BCAS1: variants seen among roughly 807,000 people sequenced by gnomAD.
BCAS1 encodes brain enriched myelin associated protein 1.
A neutral mutation model predicts 65.4 loss-of-function variants in BCAS1; 46 were observed. That is an observed-to-expected ratio of 0.70 (90% CI 0.55 to 0.90). The LOEUF is 0.90. Among genes scored for constraint, BCAS1 ranks in the 40% least tolerant of loss-of-function variants. BCAS1 has a pLI of 0.00. For synonymous variants in BCAS1, 298 were observed against 293.5 expected, an observed-to-expected ratio of 1.02 and a Z score of -0.16; for missense variants, 793 against 771.2, an observed-to-expected ratio of 1.03 and a Z score of -0.33.
At position 53,982,082 on chromosome 20, in the gene BCAS1, T is replaced by A. The variant is rs2090497011; in HGVS notation, c.1275+3205A>T. ...AACACTGTGAGAAAAACACAGTCCT[T>A]ATTTTACAGATTAGAAAGGAGGGTC... On this transcript the variant is annotated intron_variant, in intron 8 of 12. Transcript: ENST00000688948. 3.9e-5 allele frequency among the ~76,000 whole-genome samples: 6 copies of A among 152,180 alleles called. 1 individual carries two copies. Among genetic ancestry groups the A allele is most frequent in the Admixed American group, 3.9e-4 (6 of 15,274 alleles).
intron 3 of BCAS1, among the ~76,000 whole-genome samples, chr20:54,053,743 C>T (rs1243977004): frequency 6.6e-6 from 1 of 152,214 alleles, no homozygotes; most frequent in Non-Finnish European, 1.5e-5. Flanking sequence ...TCCCATTTTA[C>T]AGATGACAGA....
intron 4 of BCAS1, among the ~76,000 whole-genome samples, chr20:54,009,885 C>T (rs2091283587): frequency 6.6e-6 from 1 of 152,068 alleles, no homozygotes; most frequent in African/African-American, 2.4e-5. Flanking sequence ...ACATCATAAC[C>T]AAATGGGATT....
In BCAS1 at chr20:54,043,933, A is replaced by G. The variant is rs183560344; in HGVS notation, c.142+14152T>C. On this transcript the variant is annotated intron_variant, in intron 3 of 12. Transcript: ENST00000688948. ...CTCTTTGGGGTATGCTTTGCATATA[A>G]TGGATCCTACCCACTAATACAGTAT... 2.5e-3 allele frequency among the ~76,000 whole-genome samples: 381 copies of G among 152,328 alleles called. 1 individual carries two copies. The highest frequency in any genetic ancestry group is 9.3e-3 in the South Asian group (45 of 4,828).
chr20:54,005,275 GT>G (rs1435342099), intron 4 of BCAS1, among the ~76,000 whole-genome samples: 7 of 82,838 alleles, frequency 8.5e-5, no homozygotes, highest in Admixed American at 2.2e-4. Flanking sequence ...GGGCAATATA[GT>G]GAGACCTTGT....
chr20:53,988,624 C>T (rs1286941380), intron 7 of BCAS1, among the ~76,000 whole-genome samples: 1 of 152,170 alleles, frequency 6.6e-6, no homozygotes, highest in African/African-American at 2.4e-5. Context: ...TTTCCATCAC[C>T]TCAAACTCTT....
At chr20:53,978,257 C>A (rs2090387369) in intron 8 of BCAS1, among the ~76,000 whole-genome samples, 1 of 152,016 alleles carries the variant, frequency 6.6e-6, no homozygotes, top group South Asian at 2.1e-4. Context: ...GAACAAAAAA[C>A]CATGTTCTAA....
At chr20:54,043,765 A>C (rs745780190) in intron 3 of BCAS1, among the ~76,000 whole-genome samples, 2 of 152,184 alleles carry the variant, frequency 1.3e-5, no homozygotes, top group Non-Finnish European at 2.9e-5. Context: ...CAGAAACTGC[A>C]CATCTAACCG....
intron 4 of BCAS1, among the ~76,000 whole-genome samples, chr20:53,997,911 G>A (rs6013867): frequency 0.13 from 19,077 of 152,044 alleles, 2,592 homozygotes; most frequent in African/African-American, 0.34. Context: ...TTTCATCCCC[G>A]TGTAGTCCTT....
At chr20:53,961,573 C>T (rs2089878741) in intron 10 of BCAS1, among the ~76,000 whole-genome samples, 1 of 152,202 alleles carries the variant, frequency 6.6e-6, no homozygotes, top group Admixed American at 6.5e-5. Flanking sequence ...TTTTCTTCTC[C>T]TTTCCCTTAT....
At chr20:53,965,849 A>G (rs934277729) in intron 10 of BCAS1, among the ~76,000 whole-genome samples, 5 of 152,224 alleles carry the variant, frequency 3.3e-5, no homozygotes, top group African/African-American at 1.2e-4. Flanking sequence ...GAAAAGCAGT[A>G]TCATTGACCA....
At chr20:53,957,883 GTT>G (rs541840378) in intron 10 of BCAS1, among the ~76,000 whole-genome samples, 28 of 137,950 alleles carry the variant, frequency 2.0e-4, no homozygotes, top group Middle Eastern at 3.7e-3. Context: ...GTGTTTTATT[GTT>G]TTTTTTTTTT....
At chr20:54,039,736 C>T (rs1370916389) in intron 3 of BCAS1, among the ~76,000 whole-genome samples, 1 of 151,168 alleles carries the variant, frequency 6.6e-6, no homozygotes, top group Non-Finnish European at 1.5e-5. Flanking sequence ...GTGTTTACAA[C>T]CAAAATAATT....
intron 4 of BCAS1, 56 bp downstream of exon 4, chr20:54,028,336 A>G (rs766822930): frequency 6.9e-6 from 11 of 1,589,502 alleles, no homozygotes; most frequent in Non-Finnish European, 9.5e-6. Context: ...GTCTTATCCC[A>G]TTAGCGCCCC....
chr20:54,070,146 C>T (rs1427676124), intron 1 of BCAS1, among the ~76,000 whole-genome samples: 1 of 152,188 alleles, frequency 6.6e-6, no homozygotes, highest in Non-Finnish European at 1.5e-5. Flanking sequence ...CTTGAAATGA[C>T]CCTCAATAGT....
chr20:53,953,314 T>C, intron 12 of BCAS1, 118 bp downstream of exon 12: 1 of 1,296,532 alleles, frequency 7.7e-7, no homozygotes, highest in Non-Finnish European at 1.1e-6. Flanking sequence ...AAACCCTGAG[T>C]GATAGACCCG....
intron 6 of BCAS1, among the ~76,000 whole-genome samples, chr20:53,993,067 G>A (rs1325593500): frequency 5.9e-5 from 9 of 152,186 alleles, no homozygotes; most frequent in Non-Finnish European, 2.9e-5. Flanking sequence ...AGCAAAGACT[G>A]CTGCTGAATG....
At chr20:53,947,961 G>A (rs572807615) in intron 12 of BCAS1, among the ~76,000 whole-genome samples, 3 of 152,202 alleles carry the variant, frequency 2.0e-5, no homozygotes, top group Admixed American at 6.5e-5. Flanking sequence ...ACCCTGTGAC[G>A]TCAGCACCAT....
intron 9 of BCAS1, among the ~76,000 whole-genome samples, chr20:53,973,282 T>G (rs1411189084): frequency 1.3e-5 from 2 of 152,142 alleles, no homozygotes; most frequent in Non-Finnish European, 2.9e-5. Flanking sequence ...ATATTGAGCC[T>G]TAAAAATCAA....
intron 3 of BCAS1, among the ~76,000 whole-genome samples, chr20:54,044,907 C>T (rs369153852): frequency 1.3e-5 from 2 of 150,946 alleles, no homozygotes; most frequent in South Asian, 2.1e-4. Flanking sequence ...ATAAACATTA[C>T]GAGTTTAAAA....
Sources: gnomAD v4.1 joint callset for allele counts (sites outside exome capture counted in the v4.1 genomes callset) on GRCh38, gnomAD v4.1.1 for gene constraint, MANE v1.5 for transcripts, NCBI Gene and HGNC (gene_info 2026-07-23, HGNC 2026-07-21) for gene names.